The following CCM2L variants were observed in gnomAD, a reference collection of about 807,000 sequenced individuals.
CCM2L encodes CCM2 like scaffold protein.
A neutral mutation model predicts 54.1 loss-of-function variants in CCM2L; 36 were observed. The ratio of observed to expected loss-of-function variants is 0.67; its 90% CI spans 0.51 to 0.88. The LOEUF is 0.88. Among genes scored for constraint, CCM2L ranks in the 40% least tolerant of loss-of-function variants. The probability of loss-of-function intolerance (pLI) is 0.00; values close to 1 mark genes in which losing one functional copy is unlikely to be tolerated. For missense variants in CCM2L, 700 were observed against 812.1 expected, an observed-to-expected ratio of 0.86 and a Z score of 1.68; for synonymous variants, 351 against 359.3, an observed-to-expected ratio of 0.98 and a Z score of 0.26.
At chr20:32,016,429 G>A (rs117921981) in intron 2 of CCM2L, among the ~76,000 whole-genome samples, 13,288 of 150,916 alleles carry the variant, frequency 0.088, 621 homozygotes, top group African/African-American at 0.13. Context: ...GGTGAATCAC[G>A]AGATCAGGAG....
In CCM2L at chr20:32,031,737, T is replaced by G. The variant is rs1302325474; in HGVS notation, c.*423T>G. ...CAGAACTCGGTCCTATTTTACAGAT[T>G]GAGAAACTATGGTTCAAGAAGAGAG... On this transcript the variant is annotated 3_prime_UTR_variant, in exon 10 of 10. Transcript: ENST00000452892. 6.0e-6 allele frequency: 1 copy of G among 165,992 alleles called. No individual in the cohort carries two copies. The highest frequency in any genetic ancestry group is 1.3e-5 in the Non-Finnish European group (1 of 77,318). The allele number at this position is 165,992 out of a possible 1,614,324, so 10.3% of individuals were successfully genotyped here.
Position 32,029,124 on chromosome 20 carries a change from G to A in CCM2L, c.1263G>A (p.Thr421=), listed in dbSNP as rs770054516. 10 of 1,614,194 alleles carry A rather than the reference G, an allele frequency of 6.2e-6. No homozygotes were observed. Among genetic ancestry groups the A allele is most frequent in the African/African-American group, 2.7e-5 (2 of 75,052 alleles). ...AGCAGTTACAGGATTACATGGTCAC[G>A]GTGAGCTGGGGCCGGTGGTGGGAAT... ...GLEQLQDYMV[T]LRSKLGPLEI... Residue 421 remains threonine, a splice_region_variant and synonymous_variant, in exon 8 of 10, where the codon ACG becomes ACA. Transcript: ENST00000452892.
chr20:32,021,196 T>C (rs1054191141), intron 5 of CCM2L, among the ~76,000 whole-genome samples: 1 of 152,110 alleles, frequency 6.6e-6, no homozygotes, highest in Non-Finnish European at 1.5e-5. Context: ...TCACTCCAAG[T>C]AAAAGCTAAC....
At chr20:32,014,657 AAAG>A (rs1242285053) in intron 1 of CCM2L, among the ~76,000 whole-genome samples, 2 of 152,314 alleles carry the variant, frequency 1.3e-5, no homozygotes, top group East Asian at 3.9e-4. Flanking sequence ...GGGTGTTTAG[AAAG>A]AAGGTCGTTG....
intron 1 of CCM2L, among the ~76,000 whole-genome samples, chr20:32,011,607 A>C (rs1256010102): frequency 6.6e-6 from 1 of 152,092 alleles, no homozygotes; most frequent in Admixed American, 6.5e-5. Flanking sequence ...TAAATAAATA[A>C]ATACATAAAT....
intron 6 of CCM2L, 148 bp from the exon 7 acceptor site, chr20:32,025,708 G>C: frequency 2.3e-6 from 1 of 426,618 alleles, no homozygotes; most frequent in South Asian, 1.8e-5. Context: ...ATCAGGAGAG[G>C]GGAGGGGAGT....
At chr20:32,018,269 TGGA>T (rs1268413887) in intron 4 of CCM2L, 107 bp downstream of exon 4, 3 of 833,810 alleles carry the variant, frequency 3.6e-6, no homozygotes, top group Non-Finnish European at 5.0e-6. Flanking sequence ...GGTGTGCGGA[TGGA>T]GAAGGAGAGG....
intron 6 of CCM2L, among the ~76,000 whole-genome samples, chr20:32,025,081 TTCTC>T (rs143923688): frequency 7.3e-5 from 11 of 149,820 alleles, no homozygotes; most frequent in Non-Finnish European, 1.0e-4. Context: ...CTTTCTTTCT[TTCTC>T]TCTTTCTTTT....
At position 32,031,083 on chromosome 20, in the gene CCM2L, C is replaced by T. The variant is rs2064919433; in HGVS notation, c.1485C>T (p.Ile495=). Residue 495 remains isoleucine (I), a synonymous_variant, in exon 10 of 10, where the codon ATC becomes ATT. Transcript: ENST00000452892. ...GCGTGGGCATCCGCGAGGGCGGCAT[C>T]CTCACTGACAGCTTCGGCCGCATCA... ...LEGVGIREGG[I]LTDSFGRIKR... 5 of 1,304,284 alleles carry T rather than the reference C, an allele frequency of 3.8e-6. No individual in the cohort carries two copies. Among genetic ancestry groups the T allele is most frequent in the Non-Finnish European group, 5.1e-6 (5 of 988,954 alleles). 80.8% of individuals were successfully genotyped at this position (1,304,284 alleles called of 1,614,324 possible).
Position 32,031,202 on chromosome 20 carries a change from C to A in CCM2L, c.1604C>A (p.Ala535Asp). The A allele has an allele frequency of 7.7e-7, 1 of 1,301,420 alleles. No homozygotes were observed. The highest frequency in any genetic ancestry group is 1.0e-6 in the Non-Finnish European group (1 of 988,548). 80.6% of individuals were successfully genotyped at this position (1,301,420 alleles called of 1,614,324 possible). Residue 535 changes from alanine (A) to aspartate (D), a missense_variant, in exon 10 of 10, where the codon GCT becomes GAT. Physicochemically the swap from Ala to Asp is moderately radical, Grantham distance 126. Transcript: ENST00000452892. Reference protein sequence around the residue: ...PEAQAFHRLLADITHDIEALA... With the variant: ...PEAQAFHRLLDDITHDIEALA... ...GCACAGGCCTTCCACCGGCTGCTGG[C>A]TGACATCACGCACGACATCGAGGCG...
At chr20:32,029,151 G>A (rs750392336) in intron 8 of CCM2L, 27 bp downstream of exon 8, 1 of 1,613,966 alleles carries the variant, frequency 6.2e-7, no homozygotes, top group South Asian at 1.1e-5. Context: ...GGTGGGAATG[G>A]CACAAGCAAA....
At chr20:32,030,879 C>A (rs1332874866) in intron 9 of CCM2L, 122 bp from the exon 10 acceptor site, 7 of 850,856 alleles carry the variant, frequency 8.2e-6, no homozygotes, top group Non-Finnish European at 1.1e-5. Flanking sequence ...GGACCTTGGG[C>A]AAGGCCACAC....
intron 6 of CCM2L, among the ~76,000 whole-genome samples, chr20:32,023,632 T>C (rs1428623371): frequency 6.6e-6 from 1 of 152,272 alleles, no homozygotes; most frequent in Non-Finnish European, 1.5e-5. Context: ...AGCACGAGAC[T>C]GGGTACATCA....
At position 32,015,838 on chromosome 20, in the gene CCM2L, C is replaced by T. The variant is rs533437875; in HGVS notation, c.198+767C>T. Among the ~76,000 whole-genome samples, 13 of 149,768 alleles carry T rather than the reference C, an allele frequency of 8.7e-5. No homozygotes were observed. In the East Asian group the frequency reaches 1.4e-3, roughly 16 times the overall value. On this transcript the variant is annotated intron_variant, in intron 2 of 9. Coordinates refer to ENST00000452892, the MANE Select transcript of CCM2L (RefSeq NM_001365692.1). ...TTAACAGCAAAACACAAAGGACTTC[C>T]ACCACTTAGGAGCTGTACTTCTTTT... is the stretch of plus-strand genomic sequence containing the variant.
intron 2 of CCM2L, among the ~76,000 whole-genome samples, chr20:32,017,073 G>A (rs561128832): frequency 3.3e-5 from 5 of 152,244 alleles, no homozygotes; most frequent in South Asian, 2.1e-4. Context: ...GCTTGAACCC[G>A]GGAGGCAGAG....
At position 32,029,119 on chromosome 20, in the gene CCM2L, G is replaced by A. The variant is rs760086047; in HGVS notation, c.1258G>A (p.Val420Ile). Residue 420 changes from valine (V) to isoleucine (I), a missense_variant, in exon 8 of 10, where the codon GTC (valine) becomes ATC (isoleucine). Transcript: ENST00000452892. Reference protein sequence around the residue: ...LGLEQLQDYMVTLRSKLGPLE... With the variant: ...LGLEQLQDYMITLRSKLGPLE... ...CTTGGAGCAGTTACAGGATTACATG[G>A]TCACGGTGAGCTGGGGCCGGTGGTG... The A allele has an allele frequency of 6.2e-7, 1 of 1,614,092 alleles. No homozygotes were observed. The highest frequency in any genetic ancestry group is 1.1e-5 in the South Asian group (1 of 91,088).
At chr20:32,018,360 T>A (rs1330086840) in intron 4 of CCM2L, among the ~76,000 whole-genome samples, 198 bp downstream of exon 4, 2 of 151,942 alleles carry the variant, frequency 1.3e-5, no homozygotes. Flanking sequence ...GAAGAGGCTC[T>A]GGGAAAGCAG....
Position 32,014,949 on chromosome 20 carries a change from C to A in CCM2L, c.76C>A (p.Arg26Ser). The A allele has an allele frequency of 6.2e-7, 1 of 1,602,058 alleles. No homozygotes were observed. ...IRRLVFPKAG[R>S]RAACRSSVSR... ...AAGGCTGGTGTTCCCCAAGGCCGGG[C>A]GCCGGGCAGCCTGTAGGAGCAGCGT... Residue 26 changes from arginine (R) to serine (S), a missense_variant, in exon 2 of 10, where the codon CGC (arginine) becomes AGC (serine). Physicochemically the swap from Arg to Ser is moderately radical, Grantham distance 110. Coordinates refer to ENST00000452892, the MANE Select transcript of CCM2L (RefSeq NM_001365692.1).
At chr20:32,016,686 A>G (rs1342211798) in intron 2 of CCM2L, among the ~76,000 whole-genome samples, 4 of 152,224 alleles carry the variant, frequency 2.6e-5, no homozygotes, top group Admixed American at 2.6e-4. Flanking sequence ...GTTGTTTTCA[A>G]GTTCAAATTT....
Sources: allele counts gnomAD v4.1 joint callset (sites outside exome capture counted in the v4.1 genomes callset), GRCh38; gene constraint gnomAD v4.1.1; transcripts MANE v1.5; gene names NCBI Gene and HGNC (gene_info 2026-07-23, HGNC 2026-07-21).